DGKB: variants seen among roughly 807,000 people sequenced by gnomAD.
DGKB encodes the protein 90 kDa diacylglycerol kinase.
A neutral mutation model predicts 114.3 loss-of-function variants in DGKB; 67 were observed. That is an observed-to-expected ratio of 0.59 (90% CI 0.48 to 0.72). DGKB has a LOEUF of 0.72. DGKB is among the 30% of genes least tolerant of loss of function. The pLI is 0.00. For synonymous variants in DGKB, 398 were observed against 323.1 expected, an observed-to-expected ratio of 1.23 and a Z score of -2.49; for missense variants, 907 against 975.2, an observed-to-expected ratio of 0.93 and a Z score of 0.93.
intron 13 of DGKB, among the ~76,000 whole-genome samples, chr7:14,638,066 A>G (rs1811075530): frequency 6.6e-6 from 1 of 152,168 alleles, no homozygotes; most frequent in Non-Finnish European, 1.5e-5. Flanking sequence ...AGATTTTTAA[A>G]TACAATTTAA....
At position 14,881,811 on chromosome 7, in the gene DGKB, A is replaced by G. The variant is rs117014081; in HGVS notation, c.-188+20781T>C. Among the ~76,000 whole-genome samples, 212 of 152,230 alleles carry G rather than the reference A, an allele frequency of 1.4e-3. 3 individuals carry two copies. The East Asian group carries it at 0.038, about 28-fold the overall frequency. On this transcript the variant is annotated intron_variant, in intron 1 of 25. Transcript: ENST00000402815. ...AGAAAAATTTAAATAACTTTTGTCC[A>G]AAAGAAAAACAAATGACTTTTATAC...
At chr7:14,607,353 T>G in intron 17 of DGKB, 81 bp downstream of exon 17, 1 of 749,626 alleles carries the variant, frequency 1.3e-6, no homozygotes. Flanking sequence ...CAAATAACAT[T>G]ATTTCTACAT....
chr7:14,523,045 G>A (rs1463548245), intron 20 of DGKB, among the ~76,000 whole-genome samples: 2 of 152,044 alleles, frequency 1.3e-5, no homozygotes, highest in Non-Finnish European at 2.9e-5. Flanking sequence ...GGATTCAAAA[G>A]TATACTTCAC....
chr7:14,286,070 G>C (rs796314151), intron 23 of DGKB, among the ~76,000 whole-genome samples: 19 of 152,216 alleles, frequency 1.2e-4, no homozygotes, highest in African/African-American at 4.6e-4. Flanking sequence ...GACTCACAAA[G>C]TTTGCAATGT....
At chr7:14,608,375 T>C (rs1804905490) in intron 16 of DGKB, among the ~76,000 whole-genome samples, 1 of 151,618 alleles carries the variant, frequency 6.6e-6, no homozygotes, top group African/African-American at 2.4e-5. Flanking sequence ...AAGCATTTAA[T>C]AAAATACAAA....
At chr7:14,912,142 A>G (rs1295295116) in intron 1 of DGKB, among the ~76,000 whole-genome samples, 1 of 152,144 alleles carries the variant, frequency 6.6e-6, no homozygotes, top group Non-Finnish European at 1.5e-5. Flanking sequence ...CATATATTAG[A>G]TGAACCGGAA....
At chr7:14,655,650 G>A (rs973660256) in intron 13 of DGKB, among the ~76,000 whole-genome samples, 1 of 151,632 alleles carries the variant, frequency 6.6e-6, no homozygotes, top group Non-Finnish European at 1.5e-5. Flanking sequence ...TCCATCAATA[G>A]ATGAGTAGAT....
At chr7:14,575,455 G>A (rs1798982970) in intron 19 of DGKB, among the ~76,000 whole-genome samples, 1 of 152,152 alleles carries the variant, frequency 6.6e-6, no homozygotes, top group Non-Finnish European at 1.5e-5. Flanking sequence ...TAACATTATA[G>A]TTATCACTGC....
intron 21 of DGKB, among the ~76,000 whole-genome samples, chr7:14,424,681 T>G (rs1286864984): frequency 6.6e-6 from 1 of 152,092 alleles, no homozygotes; most frequent in Non-Finnish European, 1.5e-5. Flanking sequence ...GTCTCCGGAT[T>G]CCTCAGTCCT....
At chr7:14,433,506 C>A (rs976580282) in intron 21 of DGKB, among the ~76,000 whole-genome samples, 1 of 151,822 alleles carries the variant, frequency 6.6e-6, no homozygotes, top group Non-Finnish European at 1.5e-5. Flanking sequence ...AATAAGAAAG[C>A]GGAAGTATTC....
intron 23 of DGKB, among the ~76,000 whole-genome samples, chr7:14,283,218 C>T (rs1360215110): frequency 6.6e-6 from 1 of 151,398 alleles, no homozygotes; most frequent in Non-Finnish European, 1.5e-5. Context: ...ATACACCAAC[C>T]ACAGACAAAC....
intron 1 of DGKB, among the ~76,000 whole-genome samples, chr7:14,901,023 T>C (rs1007608979): frequency 2.0e-5 from 3 of 152,164 alleles, no homozygotes; most frequent in Non-Finnish European, 4.4e-5. Flanking sequence ...GTATGCACTA[T>C]TGTAGCAAAT....
At chr7:14,809,527 T>G (rs531779123) in intron 2 of DGKB, among the ~76,000 whole-genome samples, 1 of 152,116 alleles carries the variant, frequency 6.6e-6, no homozygotes, top group Non-Finnish European at 1.5e-5. Flanking sequence ...ATGTAAGAAA[T>G]GCAGGGCTTT....
chr7:14,378,518 A>G lies in DGKB; in HGVS notation c.1836-33127T>C, dbSNP rs11977395. Reference sequence around the variant, plus strand: ...CCAAAATAAAAAATTTATTTAAAAAATTTGTGGATGATAGAAGGGGACCTC... The same window carrying G: ...CCAAAATAAAAAATTTATTTAAAAAGTTTGTGGATGATAGAAGGGGACCTC... On this transcript the variant is annotated intron_variant, in intron 21 of 25. Transcript: ENST00000402815. Among the ~76,000 whole-genome samples the G allele has an allele frequency of 6.3e-3, 963 of 152,306 alleles. 11 individuals carry two copies. The highest frequency in any genetic ancestry group is 0.022 in the African/African-American group (907 of 41,564).
chr7:14,498,680 C>CAGT (rs1350065218), intron 20 of DGKB, among the ~76,000 whole-genome samples: 1 of 151,462 alleles, frequency 6.6e-6, no homozygotes, highest in Admixed American at 6.6e-5. Context: ...ATAATGTATC[C>CAGT]AGTAGTAGTA....
At position 14,156,420 on chromosome 7, in the gene DGKB, C is replaced by T. The variant is rs1453118947; in HGVS notation, c.2305-7182G>A. 2.0e-5 allele frequency among the ~76,000 whole-genome samples: 3 copies of T among 151,968 alleles called. No individual in the cohort carries two copies. In the East Asian group the frequency reaches 5.8e-4, roughly 29 times the overall value. On this transcript the variant is annotated intron_variant, in intron 25 of 25. Transcript: ENST00000402815. ...TGGTCTCTGAACTACTCAACACTGC[C>T]CTTATACAGCAAAGGCAGTTTTGGG...
intron 23 of DGKB, among the ~76,000 whole-genome samples, chr7:14,189,359 C>A (rs963552383): frequency 2.0e-5 from 3 of 152,114 alleles, no homozygotes; most frequent in African/African-American, 7.2e-5. Context: ...ATTCTAACTA[C>A]AAGACTCTTT....
intron 1 of DGKB, among the ~76,000 whole-genome samples, chr7:14,856,670 T>C (rs527672697): frequency 2.0e-5 from 3 of 152,214 alleles, no homozygotes; most frequent in South Asian, 2.1e-4. Context: ...TGTGTGTATA[T>C]ATATATAAAA....
At chr7:14,434,389 A>C (rs1828932817) in intron 21 of DGKB, among the ~76,000 whole-genome samples, 1 of 152,144 alleles carries the variant, frequency 6.6e-6, no homozygotes, top group Non-Finnish European at 1.5e-5. Context: ...GGTGAGCCAA[A>C]TGTAATCACA....
Sources: allele counts gnomAD v4.1 joint callset (sites outside exome capture counted in the v4.1 genomes callset), GRCh38; gene constraint gnomAD v4.1.1; transcripts MANE v1.5; gene names NCBI Gene and HGNC (gene_info 2026-07-23, HGNC 2026-07-21).